Variants in ZC3H12B observed in about 807,000 individuals in gnomAD.
ZC3H12B encodes zinc finger CCCH-type containing 12B, also known as probable ribonuclease ZC3H12B.
ZC3H12B carries 7 observed loss-of-function variants against 43.9 expected under a neutral mutation model. The ratio of observed to expected loss-of-function variants is 0.16; its 90% confidence interval spans 0.09 to 0.30. ZC3H12B has a LOEUF of 0.30. Ranked by LOEUF, ZC3H12B falls within the 10% of genes least tolerant of loss-of-function variation. ZC3H12B has a pLI of 1.00. For synonymous variants in ZC3H12B, 222 were observed against 241.7 expected (o/e 0.92, Z 0.76); for missense variants, 475 against 670.2 (o/e 0.71, Z 3.22).
At chrX:65,319,770 T>C in the ZC3H12B span, among the ~76,000 whole-genome samples, 1 of 111,285 alleles carries the variant, frequency 9.0e-6, no homozygotes, top group African/African-American at 3.3e-5. Flanking sequence ...AGGAACAACA[T>C]ACACAAATCA....
chrX:65,357,756 C>T, the ZC3H12B span, among the ~76,000 whole-genome samples: 27 of 111,556 alleles, frequency 2.4e-4, no homozygotes, highest in Admixed American at 1.8e-3. Context: ...TTGTAAAGGC[C>T]GTAAACACTA....
chrX:65,357,308 T>C, the ZC3H12B span: 1 of 278,102 alleles, frequency 3.6e-6, no homozygotes, highest in South Asian at 4.4e-5. Flanking sequence ...TTGCTTCTTG[T>C]AGGAAACTCT....
the ZC3H12B span, among the ~76,000 whole-genome samples, chrX:65,262,859 C>T: frequency 1.8e-5 from 2 of 110,553 alleles, no homozygotes; most frequent in East Asian, 5.7e-4. Context: ...TTCTCTTTCT[C>T]TCCCTCTCCA....
At chrX:65,494,710 G>A (rs1419851070) in intron 1 of ZC3H12B, among the ~76,000 whole-genome samples, 1 of 109,128 alleles carries the variant, frequency 9.2e-6, no homozygotes, top group Non-Finnish European at 1.9e-5. Flanking sequence ...GAACCCGGGA[G>A]GCAGAGGTTG....
the ZC3H12B span, among the ~76,000 whole-genome samples, chrX:65,334,081 A>T: frequency 8.9e-6 from 1 of 112,004 alleles, no homozygotes; most frequent in Non-Finnish European, 1.9e-5. Flanking sequence ...TTGATGTCAA[A>T]CCTAATTCTT....
chrX:65,176,966 G>A, the ZC3H12B span, among the ~76,000 whole-genome samples: 13 of 111,929 alleles, frequency 1.2e-4, no homozygotes, highest in South Asian at 3.7e-4. Context: ...ATCTGGCAAA[G>A]AAACAACAAC....
chrX:65,143,626 G>A, the ZC3H12B span, among the ~76,000 whole-genome samples: 2 of 107,293 alleles, frequency 1.9e-5, no homozygotes, highest in African/African-American at 6.8e-5. Flanking sequence ...GCTCTGGTGT[G>A]ATCATGGCTC....
At chrX:65,039,851 G>C in the ZC3H12B span, among the ~76,000 whole-genome samples, 1 of 111,366 alleles carries the variant, frequency 9.0e-6, no homozygotes, top group African/African-American at 3.3e-5. Flanking sequence ...TTTACCCTAG[G>C]AGGTAAAAGG....
the ZC3H12B span, among the ~76,000 whole-genome samples, chrX:65,109,030 T>C: frequency 9.0e-6 from 1 of 111,578 alleles, no homozygotes; most frequent in African/African-American, 3.3e-5. Context: ...AAACGTCCAG[T>C]TTTACCATGG....
chrX:65,304,034 C>A, the ZC3H12B span, among the ~76,000 whole-genome samples: 1 of 112,183 alleles, frequency 8.9e-6, no homozygotes, highest in Non-Finnish European at 1.9e-5. Flanking sequence ...ATTCACAAAC[C>A]AATTTTAAAA....
the ZC3H12B span, among the ~76,000 whole-genome samples, chrX:65,163,144 A>G: frequency 9.0e-6 from 1 of 110,526 alleles, no homozygotes; most frequent in Non-Finnish European, 1.9e-5. Context: ...TCTCAGAGGA[A>G]TACCTGGGCG....
Position 65,488,920 on chromosome X carries a change from T to C in ZC3H12B, c.119T>C (p.Met40Thr), listed in dbSNP as rs749000283. The C allele has an allele frequency of 5.5e-5, 67 of 1,210,015 alleles. No homozygotes were observed. Among genetic ancestry groups the C allele is most frequent in the Non-Finnish European group, 7.3e-5 (65 of 894,704 alleles). The stretch of plus-strand genomic sequence containing the variant: ...GGCAATGCTGATTCTGAAGAGTGGA[T>C]GAGCTCTGAGAGTGACCCTGAACAG... Residue 40 changes from methionine (M) to threonine (T), a missense_variant, in exon 1 of 5, where the codon ATG becomes ACG. Coordinates refer to ENST00000338957, the Ensembl canonical transcript of ZC3H12B.
the ZC3H12B span, among the ~76,000 whole-genome samples, chrX:65,056,390 T>C: frequency 3.3e-4 from 37 of 111,845 alleles, no homozygotes; most frequent in Non-Finnish European, 6.4e-4. Context: ...TTCCATGTAG[T>C]TGAGCGGTTT....
the ZC3H12B span, among the ~76,000 whole-genome samples, chrX:65,069,222 G>A: frequency 1.9e-5 from 2 of 105,745 alleles, no homozygotes; most frequent in African/African-American, 6.9e-5. Flanking sequence ...TTCTTCTGCT[G>A]TCTTTTTTTC....
At chrX:65,072,336 C>T in the ZC3H12B span, among the ~76,000 whole-genome samples, 1 of 112,089 alleles carries the variant, frequency 8.9e-6, no homozygotes, top group Non-Finnish European at 1.9e-5. Context: ...GGCTATTTTG[C>T]CTATCAGTTT....
chrX:65,339,200 C>T, the ZC3H12B span, among the ~76,000 whole-genome samples: 2 of 110,964 alleles, frequency 1.8e-5, no homozygotes, highest in South Asian at 4.0e-4. Flanking sequence ...GGATTACTAG[C>T]ACACTTCTAA....
At chrX:65,279,611 A>G in the ZC3H12B span, among the ~76,000 whole-genome samples, 1 of 111,629 alleles carries the variant, frequency 9.0e-6, no homozygotes, top group Non-Finnish European at 1.9e-5. Context: ...CCAAAACTAT[A>G]AAAACTCTGG....
At chrX:65,202,543 C>A in the ZC3H12B span, among the ~76,000 whole-genome samples, 1 of 110,421 alleles carries the variant, frequency 9.1e-6, no homozygotes, top group Non-Finnish European at 1.9e-5. Context: ...GGTTACCAGG[C>A]AGATACTCTT....
chrX:65,377,335 T>C, intron 2 of ZC3H12B, among the ~76,000 whole-genome samples: 1 of 109,746 alleles, frequency 9.1e-6, no homozygotes, highest in Non-Finnish European at 1.9e-5. Flanking sequence ...GAAAGAGATA[T>C]GATTAGAGAG....
Sources: allele counts gnomAD v4.1 joint callset (sites outside exome capture counted in the v4.1 genomes callset), GRCh38; gene constraint gnomAD v4.1.1; transcripts MANE v1.5; gene names NCBI Gene and HGNC (gene_info 2026-07-23, HGNC 2026-07-21).